The following WDR11 variants were observed in gnomAD, a reference collection of about 807,000 sequenced individuals.
WDR11 encodes WD repeat domain 11.
Under a neutral mutation model 151.2 loss-of-function variants are expected in WDR11, and 83 were observed. The observed-to-expected ratio is 0.55, with a 90% CI of 0.46 to 0.66. The LOEUF (loss-of-function observed/expected upper bound fraction) is 0.66. Among genes scored for constraint, WDR11 ranks in the 30% least tolerant of loss-of-function variants. The pLI is 0.00. For missense variants in WDR11, 1,301 were observed against 1,480.9 expected (o/e 0.88, Z 1.99); for synonymous variants, 484 against 533.1 (o/e 0.91, Z 1.27).
intron 11 of WDR11, among the ~76,000 whole-genome samples, chr10:120,877,045 T>G (rs1846818819): frequency 6.6e-6 from 1 of 152,230 alleles, no homozygotes; most frequent in Non-Finnish European, 1.5e-5. Flanking sequence ...CACATGCTTC[T>G]GAAAAATCAA....
chr10:120,897,491 C>A (rs528829842), intron 19 of WDR11, among the ~76,000 whole-genome samples: 1 of 152,264 alleles, frequency 6.6e-6, no homozygotes, highest in South Asian at 2.1e-4. Context: ...TCTAGATGAT[C>A]AGATTTAGTG....
rs777413586 is a variant in WDR11 at position 120,865,183 on chromosome 10, A to G, written c.850A>G (p.Ile284Val). Residue 284 changes from isoleucine (I) to valine (V), a missense_variant, in exon 6 of 29, where the codon ATA (isoleucine) becomes GTA (valine). Coordinates refer to ENST00000263461, the MANE Select transcript of WDR11 (RefSeq NM_018117.12). Reference protein sequence around the residue: ...EVNQTVGVIAIERTGVPFLQV... With the variant: ...EVNQTVGVIAVERTGVPFLQV... ...GAATCAGACGGTGGGTGTGATTGCA[A>G]TAGAACGCACAGGAGTTCCATTTTT... 3.7e-6 allele frequency: 6 copies of G among 1,613,818 alleles called. No homozygotes were observed. Among genetic ancestry groups the G allele is most frequent in the African/African-American group, 1.3e-5 (1 of 74,930 alleles).
At chr10:120,877,003 T>C (rs1480434121) in intron 11 of WDR11, among the ~76,000 whole-genome samples, 1 of 152,238 alleles carries the variant, frequency 6.6e-6, no homozygotes, top group Non-Finnish European at 1.5e-5. Context: ...ATTAAAATGT[T>C]GGCTGAGCCA....
intron 4 of WDR11, among the ~76,000 whole-genome samples, chr10:120,860,852 A>G (rs145065273): frequency 1.3e-5 from 2 of 152,354 alleles, no homozygotes; most frequent in African/African-American, 2.4e-5. Context: ...TTTAGAAACT[A>G]TTTAATCATC....
chr10:120,872,523 T>C (rs1324837378), intron 10 of WDR11, among the ~76,000 whole-genome samples: 3 of 150,570 alleles, frequency 2.0e-5, no homozygotes, highest in Non-Finnish European at 4.4e-5. Context: ...GCTGTATTGG[T>C]ATGTAGTGAA....
rs1260795041 is a variant in WDR11 at position 120,886,597 on chromosome 10, A to T, written c.1974-92A>T. ...AAAAAATAGTTTTGGACCTCCTCTT[A>T]ATGCGTCTGTACTTTGGGCAAGTTA... On this transcript the variant is annotated intron_variant, in intron 15 of 28. Coordinates refer to ENST00000263461, the MANE Select transcript of WDR11 (RefSeq NM_018117.12). 3 of 1,506,210 alleles carry T rather than the reference A, an allele frequency of 2.0e-6. No individual in the cohort carries two copies. In the East Asian group the frequency reaches 7.2e-5, roughly 36 times the overall value. The allele number at this position is 1,506,210 out of a possible 1,614,324, so 93.3% of individuals were successfully genotyped here.
chr10:120,852,971 C>A (rs561253413), intron 2 of WDR11, among the ~76,000 whole-genome samples: 2 of 152,238 alleles, frequency 1.3e-5, no homozygotes, highest in African/African-American at 4.8e-5. Context: ...AGACTCACAG[C>A]GTGATAGTGT....
At chr10:120,887,503 T>C (rs1847262337) in intron 16 of WDR11, among the ~76,000 whole-genome samples, 2 of 152,302 alleles carry the variant, frequency 1.3e-5, no homozygotes, top group African/African-American at 4.8e-5. Context: ...TAAATTGCTA[T>C]CTAAAAATGG....
In WDR11 at chr10:120,880,851, A is replaced by G; in HGVS notation, c.1689A>G (p.Glu563=). The G allele has an allele frequency of 6.2e-7, 1 of 1,605,816 alleles. No individual in the cohort carries two copies. The highest frequency in any genetic ancestry group is 8.5e-7 in the Non-Finnish European group (1 of 1,174,762). The change falls in exon 13 of 29, where the codon GAA becomes GAG. Residue 563 remains glutamate (E), a synonymous_variant. Transcript: ENST00000263461. ...PTGRSIAFRG[E]RGNDESAIEM... is the part of the protein sequence containing the mutation. ...GTAGGAGCATTGCTTTTCGTGGTGA[A>G]AGAGGCAATGATGAATCTGCCATCG...
At chr10:120,908,531 CT>C (rs1848158462) in intron 28 of WDR11, 24 bp from the exon 29 acceptor site, 1 of 1,613,818 alleles carries the variant, frequency 6.2e-7, no homozygotes, top group Admixed American at 1.7e-5. Flanking sequence ...CCTTTTTACT[CT>C]TCTTTTCCTT....
intron 5 of WDR11, 109 bp from the exon 6 acceptor site, chr10:120,864,938 G>GT (rs1383318656): frequency 7.5e-7 from 1 of 1,329,680 alleles, no homozygotes; most frequent in African/African-American, 1.5e-5. Context: ...TCAGGGAATA[G>GT]TTGTACATTT....
Position 120,860,417 on chromosome 10 carries a change from A to G in WDR11, c.526+135A>G, listed in dbSNP as rs929730505. The G allele has an allele frequency of 4.0e-6, 4 of 991,330 alleles. No homozygotes were observed. In the African/African-American group the frequency reaches 4.8e-5, roughly 12 times the overall value. The allele number at this position is 991,330 out of a possible 1,614,324, so 61.4% of individuals were successfully genotyped here. On this transcript the variant is annotated intron_variant, in intron 4 of 28. Coordinates refer to ENST00000263461, the MANE Select transcript of WDR11 (RefSeq NM_018117.12). The stretch of plus-strand genomic sequence containing the variant: ...CTGAGCGAAGTGGAGAAGCATGTCT[A>G]GTCCATATATCTGCAGCTCCTAATA...
chr10:120,905,971 G>T lies in WDR11; in HGVS notation c.3387G>T (p.Leu1129=), dbSNP rs1333206449. ...TCAATCAGAAATCAAAGGCTCTCCTGGTTCTCCTCTCTCTGGGCTGCTTTT... is the reference window on the plus strand; with the variant it reads ...TCAATCAGAAATCAAAGGCTCTCCTTGTTCTCCTCTCTCTGGGCTGCTTTT... ...PQVNQKSKAL[L]VLLSLGCFFS... The change falls in exon 27 of 29, where the codon CTG becomes CTT. Residue 1129 remains leucine, a synonymous_variant. Transcript: ENST00000263461. 11 of 1,613,994 alleles carry T rather than the reference G, an allele frequency of 6.8e-6. No homozygotes were observed. The highest frequency in any genetic ancestry group is 9.3e-6 in the Non-Finnish European group (11 of 1,180,034).
intron 2 of WDR11, among the ~76,000 whole-genome samples, chr10:120,856,639 T>C (rs566988903): frequency 6.6e-6 from 1 of 151,314 alleles, no homozygotes; most frequent in African/African-American, 2.4e-5. Flanking sequence ...TGATGAAAAA[T>C]TTTTGTTTTT....
chr10:120,882,803 T>TC lies in WDR11; in HGVS notation c.1740-975dup, dbSNP rs1423616098. Among the ~76,000 whole-genome samples, 4 of 152,096 alleles carry TC rather than the reference T, an allele frequency of 2.6e-5. No individual in the cohort carries two copies. The East Asian group carries it at 7.7e-4, about 29-fold the overall frequency. On this transcript the variant is annotated intron_variant, in intron 13 of 28. Coordinates refer to ENST00000263461, the MANE Select transcript of WDR11 (RefSeq NM_018117.12). Reference sequence around the variant, plus strand: ...TCATTTGATTCTTCTCTATGATTTTTCCATTTTCAATTTCATTGTCTGTCA... The same window carrying TC: ...TCATTTGATTCTTCTCTATGATTTTTCCCATTTTCAATTTCATTGTCTGTCA...
In WDR11 at chr10:120,901,232, T is replaced by A. The variant is rs557602943; in HGVS notation, c.2687+134T>A. On this transcript the variant is annotated intron_variant, in intron 21 of 28. Transcript: ENST00000263461. The stretch of plus-strand genomic sequence containing the variant: ...TGGCCCAAGAAGAGACCATTCTGTT[T>A]AGAGGTTTGCTTCCCGTTAGAGTCT... 1,145 of 795,164 alleles carry A rather than the reference T, an allele frequency of 1.4e-3. 5 individuals are homozygous for A. The highest frequency in any genetic ancestry group is 2.2e-3 in the Admixed American group (99 of 44,172). 49.3% of individuals were successfully genotyped at this position (795,164 alleles called of 1,614,324 possible).
chr10:120,905,657 C>A, intron 26 of WDR11: 2 of 880,170 alleles, frequency 2.3e-6, no homozygotes, highest in Non-Finnish European at 3.5e-6. Context: ...CTCCCAGAGT[C>A]TGAGCCGAAA....
intron 27 of WDR11, 129 bp from the exon 28 acceptor site, chr10:120,906,647 G>T: frequency 1.3e-6 from 2 of 1,562,766 alleles, no homozygotes; most frequent in East Asian, 2.4e-5. Flanking sequence ...GCTTAGAAAA[G>T]TGCTTGTATC....
At position 120,858,752 on chromosome 10, in the gene WDR11, G is replaced by T; in HGVS notation, c.308G>T (p.Gly103Val). The change falls in exon 3 of 29, where the codon GGA becomes GTA. Residue 103 changes from glycine (G) to valine (V), a missense_variant. This residue lies in a region of WDR11 where 692 missense variants were observed against 762.5 expected (regional missense o/e 0.91). Coordinates refer to ENST00000263461, the MANE Select transcript of WDR11 (RefSeq NM_018117.12). ...GKIIVWDVAA[G>V]VAQCEIQEHA... ...ATCATCGTCTGGGATGTAGCAGCAG[G>T]AGTAGCTCAGTGTGAGATCCAAGAG... 1 of 1,614,188 alleles carries T rather than the reference G, an allele frequency of 6.2e-7. No homozygotes were observed. Among genetic ancestry groups the T allele is most frequent in the Non-Finnish European group, 8.5e-7 (1 of 1,180,034 alleles).
Sources: gnomAD v4.1 joint callset for allele counts (sites outside exome capture counted in the v4.1 genomes callset) on GRCh38, gnomAD v4.1.1 for gene constraint, gnomAD v4.1.1 regional missense constraint, MANE v1.5 for transcripts, NCBI Gene and HGNC (gene_info 2026-07-23, HGNC 2026-07-21) for gene names.